The following PBRM1 variants were observed in gnomAD, a reference collection of about 807,000 sequenced individuals.
PBRM1 encodes polybromo 1.
A neutral mutation model predicts 194.5 loss-of-function variants in PBRM1; 27 were observed. The observed-to-expected ratio is 0.14, with a 90% CI of 0.10 to 0.19. The LOEUF (loss-of-function observed/expected upper bound fraction) is 0.19, where lower values mean the gene tolerates loss of function less well. Among genes scored for constraint, PBRM1 ranks in the 10% least tolerant of loss-of-function variants. The pLI is 1.00. For missense variants in PBRM1, 1,466 were observed against 2,077.2 expected (o/e 0.71, Z 5.72); for synonymous variants, 655 against 693.2 (o/e 0.94, Z 0.87).
In PBRM1 at chr3:52,550,174, C is replaced by G. The variant is rs148708710; in HGVS notation, c.4897+247G>C. ...CGGAGACTGCAGTGAGCCAAGATCG[C>G]GCCACTGCACTCCAGCCTAGGCAAC... On this transcript the variant is annotated intron_variant, in intron 29 of 29. Coordinates refer to ENST00000296302, the Ensembl canonical transcript of PBRM1. Among the ~76,000 whole-genome samples, 29 of 149,478 alleles carry G rather than the reference C, an allele frequency of 1.9e-4. No individual in the cohort carries two copies. The East Asian group carries it at 5.8e-3, about 30-fold the overall frequency.
At chr3:52,557,090 G>C (rs978835395) in intron 26 of PBRM1, among the ~76,000 whole-genome samples, 7 of 152,082 alleles carry the variant, frequency 4.6e-5, no homozygotes, top group African/African-American at 1.7e-4. Flanking sequence ...CCATGTTCAA[G>C]GCCTGATTTC....
At chr3:52,624,351 A>G (rs1289304162) in intron 13 of PBRM1, among the ~76,000 whole-genome samples, 2 of 152,258 alleles carry the variant, frequency 1.3e-5, no homozygotes, top group African/African-American at 4.8e-5. Flanking sequence ...AAAGCACTAC[A>G]CAATTATTAC....
At chr3:52,639,570 T>A (rs968010583) in intron 10 of PBRM1, among the ~76,000 whole-genome samples, 2 of 151,746 alleles carry the variant, frequency 1.3e-5, no homozygotes, top group Non-Finnish European at 2.9e-5. Flanking sequence ...ATTTTTTAAA[T>A]TTTTCTTGTA....
intron 3 of PBRM1, among the ~76,000 whole-genome samples, chr3:52,668,271 C>T (rs1474646084): frequency 6.6e-6 from 1 of 151,992 alleles, no homozygotes; most frequent in Non-Finnish European, 1.5e-5. Context: ...CACTCCAGCC[C>T]GTGTAACAGA....
intron 5 of PBRM1, among the ~76,000 whole-genome samples, chr3:52,652,372 G>C (rs2096520422): frequency 7.2e-6 from 1 of 139,482 alleles, no homozygotes; most frequent in Non-Finnish European, 1.5e-5. Context: ...GGACAAGAAA[G>C]AGACTTCGTC....
At chr3:52,644,996 T>C (rs1466140125) in intron 7 of PBRM1, among the ~76,000 whole-genome samples, 1 of 152,216 alleles carries the variant, frequency 6.6e-6, no homozygotes, top group Non-Finnish European at 1.5e-5. Context: ...AAATATAAGT[T>C]AAAATGCCTC....
At chr3:52,583,874 G>A (rs1247562738) in intron 20 of PBRM1, among the ~76,000 whole-genome samples, 1 of 152,090 alleles carries the variant, frequency 6.6e-6, no homozygotes, top group Admixed American at 6.6e-5. Context: ...GGAACTCCTG[G>A]CTTCAACTGA....
chr3:52,599,047 G>C (rs917170473), intron 17 of PBRM1, among the ~76,000 whole-genome samples: 35 of 149,588 alleles, frequency 2.3e-4, no homozygotes, highest in African/African-American at 6.1e-4. Flanking sequence ...AAAAAAATTA[G>C]GCAGGTGTGG....
At chr3:52,562,344 A>C (rs796595827) in intron 24 of PBRM1, among the ~76,000 whole-genome samples, 1 of 103,754 alleles carries the variant, frequency 9.6e-6, no homozygotes, top group Non-Finnish European at 2.1e-5. Flanking sequence ...AAAAAAAAAA[A>C]TTTTTCAGAA....
chr3:52,565,198 C>CAA (rs199520988), intron 22 of PBRM1, among the ~76,000 whole-genome samples: 1 of 142,862 alleles, frequency 7.0e-6, no homozygotes, highest in African/African-American at 2.6e-5. Context: ...GACTCCGTCT[C>CAA]AAAAAAAAAA....
intron 16 of PBRM1, among the ~76,000 whole-genome samples, chr3:52,605,045 A>T (rs2094259064): frequency 6.6e-6 from 1 of 152,130 alleles, no homozygotes; most frequent in Non-Finnish European, 1.5e-5. Context: ...TGACTGGAGG[A>T]AATTTTATTA....
chr3:52,563,995 T>C (rs1421756597), intron 23 of PBRM1, 55 bp downstream of exon 25: 2 of 1,140,186 alleles, frequency 1.8e-6, no homozygotes, highest in African/African-American at 1.5e-5. Context: ...GACTACACTA[T>C]GTTGCTATCA....
intron 13 of PBRM1, among the ~76,000 whole-genome samples, chr3:52,621,914 C>T (rs1157958046): frequency 6.6e-6 from 1 of 152,030 alleles, no homozygotes; most frequent in Non-Finnish European, 1.5e-5. Context: ...GGCATGGTGG[C>T]ACATGCCTGT....
intron 17 of PBRM1, among the ~76,000 whole-genome samples, chr3:52,591,957 G>A (rs1348027393): frequency 3.4e-5 from 5 of 146,062 alleles, no homozygotes; most frequent in Non-Finnish European, 6.0e-5. Context: ...CTCCCAAGTA[G>A]CTGGGATTAC....
At position 52,638,985 on chromosome 3, in the gene PBRM1, T is replaced by G. The variant is rs868699369; in HGVS notation, c.1087+2969A>C. Among the ~76,000 whole-genome samples, 533 of 47,760 alleles carry G rather than the reference T, an allele frequency of 0.011. 7 individuals are homozygous for G. The Middle Eastern group carries it at 0.12, about 11-fold the overall frequency. 31.3% of individuals were successfully genotyped at this position (47,760 alleles called of 152,430 possible). A position where few individuals can be genotyped will look rare whatever the true frequency, so the allele number is the denominator to read the frequency against. ...TGCATAACGTTATTCACATTTTTTT[T>G]TGGGGGGGGGGGGCGGGGGACAAAG... On this transcript the variant is annotated intron_variant, in intron 10 of 29. Transcript: ENST00000296302.
At chr3:52,661,241 TC>T (rs2096718621) in intron 4 of PBRM1, among the ~76,000 whole-genome samples, 1 of 152,118 alleles carries the variant, frequency 6.6e-6, no homozygotes, top group Non-Finnish European at 1.5e-5. Flanking sequence ...GTCAGGCTGT[TC>T]TTGAACTCCT....
chr3:52,603,846 CAG>C, intron 16 of PBRM1, 114 bp from the exon 19 acceptor site: 2 of 926,774 alleles, frequency 2.2e-6, no homozygotes, highest in Non-Finnish European at 3.2e-6. Flanking sequence ...TATTTCTGTA[CAG>C]GTCTATGAAG....
At chr3:52,564,092 G>A in exon 23 of PBRM1, 1 of 1,613,852 alleles carries the variant, frequency 6.2e-7, no homozygotes, top group Non-Finnish European at 8.5e-7. Flanking sequence ...AGCAGAGAGT[G>A]AAAACCTCTT....
At chr3:52,581,100 A>C in intron 20 of PBRM1, among the ~76,000 whole-genome samples, 1 of 152,364 alleles carries the variant, frequency 6.6e-6, no homozygotes, top group South Asian at 2.1e-4. Flanking sequence ...CTTCCTGAGA[A>C]TACTTCAAAC....
Sources: gnomAD v4.1 joint callset for allele counts (sites outside exome capture counted in the v4.1 genomes callset) on GRCh38, gnomAD v4.1.1 for gene constraint, MANE v1.5 for transcripts, NCBI Gene and HGNC (gene_info 2026-07-23, HGNC 2026-07-21) for gene names.